The following STK33 variants were observed in gnomAD, a reference collection of about 807,000 sequenced individuals.
STK33 encodes serine/threonine-protein kinase 33.
A neutral mutation model predicts 58.0 loss-of-function variants in STK33; 52 were observed. The ratio of observed to expected loss-of-function variants is 0.90; its 90% confidence interval spans 0.72 to 1.13. The LOEUF is 1.13. Ranked by LOEUF, STK33 falls within the 50% of genes most tolerant of loss-of-function variation. The pLI is 0.00. For synonymous variants in STK33, 215 were observed against 200.1 expected (o/e 1.07, Z -0.63); for missense variants, 630 against 604.2 (o/e 1.04, Z -0.45).
chr11:8,399,686 T>A (rs987901076), intron 15 of STK33, among the ~76,000 whole-genome samples: 1 of 152,086 alleles, frequency 6.6e-6, no homozygotes, highest in African/African-American at 2.4e-5. Flanking sequence ...AGGAGCTGGT[T>A]TTTTGAAAAG....
chr11:8,524,125 C>G (rs1051396717), intron 1 of STK33, among the ~76,000 whole-genome samples: 7 of 152,102 alleles, frequency 4.6e-5, no homozygotes, highest in Non-Finnish European at 8.8e-5. Context: ...CAGCATGCTC[C>G]TTAAGAGTCA....
At chr11:8,553,738 A>G (rs1231532850) in intron 1 of STK33, among the ~76,000 whole-genome samples, 4 of 152,210 alleles carry the variant, frequency 2.6e-5, no homozygotes, top group Non-Finnish European at 5.9e-5. Context: ...TGCTGGAAAA[A>G]ATGAACATCC....
the STK33 span, among the ~76,000 whole-genome samples, chr11:8,376,234 G>T: frequency 6.6e-6 from 1 of 152,168 alleles, no homozygotes; most frequent in Admixed American, 6.5e-5. Flanking sequence ...TGGGCAGGAG[G>T]GGGCAGAAGT....
At chr11:8,559,557 T>C (rs1956985745) in intron 1 of STK33, among the ~76,000 whole-genome samples, 1 of 152,246 alleles carries the variant, frequency 6.6e-6, no homozygotes, top group African/African-American at 2.4e-5. Context: ...AAATCTTTGT[T>C]GAACAAACAT....
intron 1 of STK33, among the ~76,000 whole-genome samples, chr11:8,543,645 A>G (rs773743911): frequency 2.0e-5 from 3 of 152,202 alleles, no homozygotes; most frequent in Non-Finnish European, 4.4e-5. Context: ...TAATGGGTAC[A>G]TTAAAAAAAT....
the STK33 span, among the ~76,000 whole-genome samples, chr11:8,376,655 C>T: frequency 6.6e-6 from 1 of 152,094 alleles, no homozygotes; most frequent in Non-Finnish European, 1.5e-5. Context: ...GATTCCCCTG[C>T]CTCAGCCTCC....
intron 1 of STK33, among the ~76,000 whole-genome samples, chr11:8,512,552 T>C (rs1952422930): frequency 6.6e-6 from 1 of 152,178 alleles, no homozygotes; most frequent in African/African-American, 2.4e-5. Context: ...CAAGAGTGTT[T>C]GTGGAGGCAG....
At chr11:8,511,143 T>C (rs527264288) in intron 1 of STK33, among the ~76,000 whole-genome samples, 236 of 152,326 alleles carry the variant, frequency 1.5e-3, no homozygotes, top group African/African-American at 5.1e-3. Flanking sequence ...TTTTCATTTG[T>C]TTTTGTCACC....
At chr11:8,335,131 C>G in the STK33 span, among the ~76,000 whole-genome samples, 1 of 152,250 alleles carries the variant, frequency 6.6e-6, no homozygotes, top group South Asian at 2.1e-4. Flanking sequence ...GGGTGGAGAC[C>G]GCAGCCTGCA....
At chr11:8,472,433 T>C (rs752562069) in intron 6 of STK33, among the ~76,000 whole-genome samples, 4 of 152,210 alleles carry the variant, frequency 2.6e-5, no homozygotes, top group South Asian at 2.1e-4. Flanking sequence ...GGATTATTAA[T>C]TGGCCTAATT....
intron 15 of STK33, 74 bp downstream of exon 15, chr11:8,413,421 T>C: frequency 6.6e-7 from 1 of 1,506,318 alleles, no homozygotes. Flanking sequence ...AAAAGACAGA[T>C]TTGCAAAAAA....
At chr11:8,535,052 G>A (rs1228629422) in intron 1 of STK33, among the ~76,000 whole-genome samples, 1 of 152,144 alleles carries the variant, frequency 6.6e-6, no homozygotes, top group Non-Finnish European at 1.5e-5. Context: ...ACAGAGATGA[G>A]TCTTAGGAAA....
At chr11:8,581,783 G>A (rs573648495) in intron 1 of STK33, among the ~76,000 whole-genome samples, 4 of 152,346 alleles carry the variant, frequency 2.6e-5, no homozygotes, top group East Asian at 3.9e-4. Context: ...TTCACGGAAC[G>A]TGTATTTTTT....
intron 14 of STK33, among the ~76,000 whole-genome samples, chr11:8,429,290 A>G (rs942329203): frequency 1.3e-5 from 2 of 152,248 alleles, no homozygotes; most frequent in Non-Finnish European, 2.9e-5. Flanking sequence ...CAACCTAAAA[A>G]TATCTGAGAA....
intron 1 of STK33, among the ~76,000 whole-genome samples, chr11:8,571,865 T>C (rs2141143439): frequency 6.7e-6 from 1 of 148,542 alleles, no homozygotes; most frequent in South Asian, 2.1e-4. Context: ...GTCAATTTTA[T>C]ATGTATTTTA....
chr11:8,545,710 G>A (rs1189119313), intron 1 of STK33, among the ~76,000 whole-genome samples: 1 of 152,166 alleles, frequency 6.6e-6, no homozygotes, highest in Non-Finnish European at 1.5e-5. Flanking sequence ...AGTTAGGAAG[G>A]TAAGGTATGC....
the STK33 span, among the ~76,000 whole-genome samples, chr11:8,376,690 A>G: frequency 5.3e-5 from 8 of 152,080 alleles, no homozygotes; most frequent in Middle Eastern, 3.4e-3. Context: ...TACAGGCACC[A>G]GCCACCATGC....
intron 4 of STK33, chr11:8,475,944 G>C (rs1330821502): frequency 2.0e-5 from 3 of 152,124 alleles, no homozygotes; most frequent in Non-Finnish European, 2.9e-5. Flanking sequence ...GAATAAACTT[G>C]ACTAGAATAG....
intron 1 of STK33, among the ~76,000 whole-genome samples, chr11:8,514,449 A>C (rs1233931430): frequency 1.3e-5 from 2 of 152,198 alleles, no homozygotes; most frequent in Non-Finnish European, 2.9e-5. Flanking sequence ...TATAGATTCT[A>C]TTTGGAGATG....
Sources: gnomAD v4.1 joint callset for allele counts (sites outside exome capture counted in the v4.1 genomes callset) on GRCh38, gnomAD v4.1.1 for gene constraint, MANE v1.5 for transcripts, NCBI Gene and HGNC (gene_info 2026-07-23, HGNC 2026-07-21) for gene names.